GPC3: variants seen among roughly 807,000 people sequenced by gnomAD.
The protein encoded by GPC3 is glypican 3, also known as glypican-3.
GPC3 carries 3 observed loss-of-function variants against 34.4 expected under a neutral mutation model. The observed-to-expected ratio is 0.09, with a 90% CI of 0.04 to 0.23. GPC3 has a LOEUF of 0.23. Ranked by LOEUF, GPC3 falls within the 10% of genes least tolerant of loss-of-function variation. The pLI is 1.00. For missense variants in GPC3, 351 were observed against 445.6 expected, an observed-to-expected ratio of 0.79 and a Z score of 1.91; for synonymous variants, 177 against 174.0, an observed-to-expected ratio of 1.02 and a Z score of -0.13.
At chrX:133,916,548 C>G (rs1482742043) in intron 2 of GPC3, among the ~76,000 whole-genome samples, 1 of 111,620 alleles carries the variant, frequency 9.0e-6, no homozygotes, top group Admixed American at 9.6e-5. Context: ...TTACCATTCC[C>G]TAAGTAGTCT....
At chrX:133,543,957 C>T (rs190346913) in intron 7 of GPC3, among the ~76,000 whole-genome samples, 22 of 111,799 alleles carry the variant, frequency 2.0e-4, no homozygotes, top group Non-Finnish European at 2.3e-4. Context: ...AGGTTGGGTA[C>T]GGTGGCTTAC....
chrX:133,933,814 C>A (rs1156984950), intron 2 of GPC3, among the ~76,000 whole-genome samples: 1 of 109,822 alleles, frequency 9.1e-6, no homozygotes, highest in Non-Finnish European at 1.9e-5. Flanking sequence ...TACTATGCTT[C>A]CTGTACAGTC....
chrX:133,770,750 T>G (rs188930352), intron 2 of GPC3, among the ~76,000 whole-genome samples: 87 of 112,099 alleles, frequency 7.8e-4, no homozygotes, highest in African/African-American at 2.6e-3. Flanking sequence ...AGAACTCTCT[T>G]TAGCAAACCT....
chrX:133,855,772 CT>C (rs910438518), intron 2 of GPC3, among the ~76,000 whole-genome samples: 7 of 110,552 alleles, frequency 6.3e-5, no homozygotes, highest in Non-Finnish European at 1.3e-4. Context: ...TCCCCATTTT[CT>C]CCCCACTACT....
chrX:133,812,622 C>A (rs747586397), intron 2 of GPC3, among the ~76,000 whole-genome samples: 1 of 112,100 alleles, frequency 8.9e-6, no homozygotes, highest in South Asian at 3.7e-4. Flanking sequence ...AATCTCCAAC[C>A]CCTCCACCCA....
chrX:133,617,087 C>T (rs930203821), intron 6 of GPC3, among the ~76,000 whole-genome samples: 1 of 111,381 alleles, frequency 9.0e-6, no homozygotes, highest in African/African-American at 3.3e-5. Flanking sequence ...TTATTAATAA[C>T]GAACTTAAAG....
At chrX:133,967,841 C>A (rs2076470847) in intron 1 of GPC3, among the ~76,000 whole-genome samples, 1 of 111,935 alleles carries the variant, frequency 8.9e-6, no homozygotes, top group Non-Finnish European at 1.9e-5. Context: ...CCATGTTGCC[C>A]AGGCTGGTCT....
rs150768268 is a variant in GPC3, at chrX:133,714,429, T to A, written c.1033-14401A>T. Among the ~76,000 whole-genome samples the A allele has an allele frequency of 7.7e-3, 853 of 111,273 alleles. 5 individuals carry two copies. The highest frequency in any genetic ancestry group is 0.026 in the African/African-American group (801 of 30,698). On this transcript the variant is annotated intron_variant, in intron 3 of 7. Transcript: ENST00000370818. ...AAGTAAATACTTTTAATATTCCTAGTTTTAATGTCTAATACAGCAAATAAC... is the reference window on the plus strand; with the variant it reads ...AAGTAAATACTTTTAATATTCCTAGATTTAATGTCTAATACAGCAAATAAC...
At chrX:133,741,968 T>C (rs1442222048) in intron 3 of GPC3, among the ~76,000 whole-genome samples, 3 of 112,853 alleles carry the variant, frequency 2.7e-5, no homozygotes, top group Non-Finnish European at 5.6e-5. Context: ...CACTTAAATA[T>C]TTCTCCCTAC....
chrX:133,684,570 C>T (rs999322080), intron 5 of GPC3, among the ~76,000 whole-genome samples: 2 of 111,376 alleles, frequency 1.8e-5, no homozygotes, highest in African/African-American at 6.5e-5. Context: ...TTCCATTGTC[C>T]ATTGTTTATG....
At chrX:133,962,276 T>C (rs2076444805) in intron 1 of GPC3, among the ~76,000 whole-genome samples, 1 of 112,177 alleles carries the variant, frequency 8.9e-6, no homozygotes, top group African/African-American at 3.2e-5. Context: ...ACTCTCCATA[T>C]TGCAACAAAG....
At chrX:133,890,449 G>A (rs1198578750) in intron 2 of GPC3, among the ~76,000 whole-genome samples, 8 of 110,925 alleles carry the variant, frequency 7.2e-5, no homozygotes, top group Non-Finnish European at 1.1e-4. Context: ...CAGGCATGGT[G>A]GTTCATACCT....
rs756263797 is a variant in GPC3 at position 133,722,747 on chromosome X, G to T, written c.1033-22719C>A. On this transcript the variant is annotated intron_variant, in intron 3 of 7. Coordinates refer to ENST00000370818, the MANE Select transcript of GPC3 (RefSeq NM_004484.4). ...ACCTTGGGTCTCTGTTGATTGCCTT[G>T]CACTGTAAGCAGACCTCTGCTGATT... Among the ~76,000 whole-genome samples, 6 of 111,530 alleles carry T rather than the reference G, an allele frequency of 5.4e-5. No homozygotes were observed. The South Asian group carries it at 2.3e-3, about 42-fold the overall frequency.
chrX:133,924,290 C>T (rs192562381), intron 2 of GPC3, among the ~76,000 whole-genome samples: 532 of 110,791 alleles, frequency 4.8e-3, no homozygotes, highest in Non-Finnish European at 7.6e-3. Flanking sequence ...CTCTAGAAGG[C>T]AATTGTATAT....
At position 133,713,983 on chromosome X, in the gene GPC3, A is replaced by G. The variant is rs148637774; in HGVS notation, c.1033-13955T>C. On this transcript the variant is annotated intron_variant, in intron 3 of 7. Transcript: ENST00000370818. ...ACCAAGGCATCATAATGGAAAAATCACACAATGACTAATAATTCACCCAAA... is the reference window on the plus strand; with the variant it reads ...ACCAAGGCATCATAATGGAAAAATCGCACAATGACTAATAATTCACCCAAA... Among the ~76,000 whole-genome samples the G allele has an allele frequency of 4.3e-3, 481 of 112,410 alleles. 2 individuals carry two copies. Among genetic ancestry groups the G allele is most frequent in the African/African-American group, 0.015 (457 of 31,006 alleles).
chrX:133,828,634 T>C, intron 2 of GPC3, among the ~76,000 whole-genome samples: 1 of 110,096 alleles, frequency 9.1e-6, no homozygotes, highest in East Asian at 2.8e-4. Flanking sequence ...TCTGAAAAGG[T>C]TGAACTCACA....
intron 2 of GPC3, among the ~76,000 whole-genome samples, chrX:133,922,218 G>C (rs1432208560): frequency 1.8e-5 from 2 of 112,281 alleles, no homozygotes; most frequent in African/African-American, 3.2e-5. Context: ...TTAAGAGAAG[G>C]CTAGAGGGAA....
chrX:133,979,323 A>ATGAGGAAAAATACAAAC (rs2076528749), intron 1 of GPC3, among the ~76,000 whole-genome samples: 1 of 112,246 alleles, frequency 8.9e-6, no homozygotes, highest in Non-Finnish European at 1.9e-5. Context: ...CCTTTTATTC[A>ATGAGGAAAAATACAAAC]TGAGGAAAAA....
intron 2 of GPC3, among the ~76,000 whole-genome samples, chrX:133,875,021 T>G (rs1163506988): frequency 8.9e-6 from 1 of 111,861 alleles, no homozygotes; most frequent in South Asian, 3.7e-4. Context: ...GCTAGTGGAG[T>G]GTCTCATATG....
Sources: allele counts gnomAD v4.1 joint callset (sites outside exome capture counted in the v4.1 genomes callset), GRCh38; gene constraint gnomAD v4.1.1; transcripts MANE v1.5; gene names NCBI Gene and HGNC (gene_info 2026-07-23, HGNC 2026-07-21).